Variants in HKDC1 observed in about 807,000 individuals in gnomAD.
HKDC1 encodes the protein hexokinase domain containing 1, also known as hexokinase HKDC1.
Under a neutral mutation model 96.6 loss-of-function variants are expected in HKDC1, and 66 were observed. That is an observed-to-expected ratio of 0.68 (90% CI 0.56 to 0.84). The LOEUF is 0.84. Ranked by LOEUF, HKDC1 falls within the 40% of genes least tolerant of loss-of-function variation. The pLI is 0.00. For synonymous variants in HKDC1, 466 were observed against 473.1 expected, an observed-to-expected ratio of 0.98 and a Z score of 0.20; for missense variants, 1,211 against 1,208.1, an observed-to-expected ratio of 1.00 and a Z score of -0.04.
intron 14 of HKDC1, among the ~76,000 whole-genome samples, chr10:69,257,947 G>C (rs999328019): frequency 6.6e-6 from 1 of 152,188 alleles, no homozygotes; most frequent in Admixed American, 6.5e-5. Flanking sequence ...TTCTCTCTAA[G>C]AGGGGTAGAA....
intron 8 of HKDC1, among the ~76,000 whole-genome samples, chr10:69,246,909 A>G (rs1208482108): frequency 6.6e-6 from 1 of 152,268 alleles, no homozygotes; most frequent in Admixed American, 6.5e-5. Context: ...GACCTGCAGC[A>G]TCTATGTCTA....
chr10:69,261,371 G>C, intron 16 of HKDC1, 77 bp downstream of exon 16: 2 of 1,456,432 alleles, frequency 1.4e-6, no homozygotes, highest in Admixed American at 3.6e-5. Flanking sequence ...CCAATTTGAG[G>C]TTTAAAAATA....
At chr10:69,250,182 C>T in intron 10 of HKDC1, 108 bp from the exon 11 acceptor site, 2 of 1,264,948 alleles carry the variant, frequency 1.6e-6, no homozygotes, top group Non-Finnish European at 2.2e-6. Context: ...TCTATGAGGC[C>T]CAGGAGTGCA....
Position 69,232,879 on chromosome 10 carries a change from G to A in HKDC1, c.342G>A (p.Thr114=), listed in dbSNP as rs10998655. Residue 114 remains threonine, a synonymous_variant, in exon 3 of 18, where the codon ACG becomes ACA. Coordinates refer to ENST00000354624, the MANE Select transcript of HKDC1 (RefSeq NM_025130.4). The part of the protein sequence containing the change: ...HVQMESQFYP[T]PNEIIRGNGT... ...AGATGGAGAGTCAGTTCTACCCAACGCCCAATGAAATCATCCGCGGGAACG... is the reference window on the plus strand; with the variant it reads ...AGATGGAGAGTCAGTTCTACCCAACACCCAATGAAATCATCCGCGGGAACG... 10,179 of 1,613,716 alleles carry A rather than the reference G, an allele frequency of 6.3e-3. 452 individuals carry two copies. In the East Asian group the frequency reaches 0.13, roughly 20 times the overall value.
chr10:69,232,445 C>T (rs746724162), intron 2 of HKDC1: 64 of 267,260 alleles, frequency 2.4e-4, no homozygotes, highest in South Asian at 1.4e-3. Flanking sequence ...TGGGCTCCAC[C>T]GTCGAGGCCA....
intron 12 of HKDC1, among the ~76,000 whole-genome samples, chr10:69,251,087 CTTTTTT>C (rs869084452): frequency 4.1e-4 from 38 of 92,678 alleles, no homozygotes; most frequent in Admixed American, 8.9e-4. Context: ...AAATACATTT[CTTTTTT>C]TTTTTTTTTT....
At chr10:69,241,925 G>T (rs559020321) in intron 6 of HKDC1, among the ~76,000 whole-genome samples, 1 of 152,196 alleles carries the variant, frequency 6.6e-6, no homozygotes, top group African/African-American at 2.4e-5. Context: ...CAGAGAGGTC[G>T]TGGTGCAGTG....
At position 69,261,121 on chromosome 10, in the gene HKDC1, T is replaced by A; in HGVS notation, c.2217-18T>A. ...GCATTGCAGGTCTGCCCCAACCTTA[T>A]CCTTCTTCTCCAAACAGATACGAGA... On this transcript the variant is annotated intron_variant, in intron 15 of 17. Transcript: ENST00000354624. 1.9e-6 allele frequency: 3 copies of A among 1,608,352 alleles called. No homozygotes were observed. Among genetic ancestry groups the A allele is most frequent in the Middle Eastern group, 1.7e-4 (1 of 6,036 alleles).
At chr10:69,232,345 C>G in intron 2 of HKDC1, 1 of 184,136 alleles carries the variant, frequency 5.4e-6, no homozygotes, top group Non-Finnish European at 1.1e-5. Flanking sequence ...TGCTCCTCGC[C>G]GCACATCCTG....
At chr10:69,241,929 T>A (rs1226417863) in intron 6 of HKDC1, among the ~76,000 whole-genome samples, 1 of 152,140 alleles carries the variant, frequency 6.6e-6, no homozygotes, top group Non-Finnish European at 1.5e-5. Context: ...GAGGTCGTGG[T>A]GCAGTGGGGG....
rs762606952 is a variant in HKDC1, at chr10:69,257,381, A to T, written c.1987A>T (p.Thr663Ser). The change falls in exon 14 of 18, where the codon ACC (threonine) becomes TCC (serine). Residue 663 changes from threonine (T) to serine (S), a missense_variant. Coordinates refer to ENST00000354624, the MANE Select transcript of HKDC1 (RefSeq NM_025130.4). ...VVNDTVGTMM[T>S]CGYEDPNCEI... is the part of the protein sequence containing the mutation. ...GAATGATACAGTGGGGACCATGATG[A>T]CCTGTGGCTATGAAGATCCTAATTG... 6.2e-7 allele frequency: 1 copy of T among 1,614,068 alleles called. No individual in the cohort carries two copies. The highest frequency in any genetic ancestry group is 1.1e-5 in the South Asian group (1 of 91,076).
chr10:69,248,670 C>T lies in HKDC1; in HGVS notation c.1512C>T (p.His504=), dbSNP rs781743552. The T allele has an allele frequency of 9.9e-6, 16 of 1,613,906 alleles. No individual in the cohort carries two copies. The highest frequency in any genetic ancestry group is 1.6e-4 in the Middle Eastern group (1 of 6,082). ...ELEYGLKKKS[H]GLATVRMLPT... ...AGTATGGGCTGAAGAAGAAGAGCCACGGGCTGGCCACGGTCAGGATGCTGC... is the reference window on the plus strand; with the variant it reads ...AGTATGGGCTGAAGAAGAAGAGCCATGGGCTGGCCACGGTCAGGATGCTGC... Residue 504 remains histidine, a synonymous_variant, in exon 10 of 18, where the codon CAC becomes CAT. Coordinates refer to ENST00000354624, the MANE Select transcript of HKDC1 (RefSeq NM_025130.4).
chr10:69,238,336 G>A (rs1843394973), intron 4 of HKDC1, among the ~76,000 whole-genome samples: 1 of 151,692 alleles, frequency 6.6e-6, no homozygotes, highest in African/African-American at 2.4e-5. Context: ...GGCAAACCAT[G>A]CATTCTGCAT....
chr10:69,241,158 C>T lies in HKDC1; in HGVS notation c.691+407C>T, dbSNP rs529944883. 2.6e-5 allele frequency among the ~76,000 whole-genome samples: 4 copies of T among 152,284 alleles called. No homozygotes were observed. In the South Asian group the frequency reaches 6.2e-4, roughly 24 times the overall value. On this transcript the variant is annotated intron_variant, in intron 6 of 17. Transcript: ENST00000354624. ...CCTCTCTGAGGGGTGGCATTTGAGC[C>T]GGGACCTCAGTGATGCAAACCAGGG... is the stretch of plus-strand genomic sequence containing the variant.
intron 12 of HKDC1, among the ~76,000 whole-genome samples, chr10:69,255,845 A>G (rs1288362967): frequency 6.6e-6 from 1 of 151,538 alleles, no homozygotes; most frequent in Non-Finnish European, 1.5e-5. Context: ...TGAACCTGGG[A>G]GGCAGAGGTT....
chr10:69,256,776 A>G (rs750034784), intron 12 of HKDC1, among the ~76,000 whole-genome samples: 1 of 152,090 alleles, frequency 6.6e-6, no homozygotes, highest in Non-Finnish European at 1.5e-5. Flanking sequence ...ATTCCGCGTA[A>G]TCATGGCCAG....
chr10:69,231,382 CT>C (rs1843257035), intron 2 of HKDC1, among the ~76,000 whole-genome samples: 1 of 152,152 alleles, frequency 6.6e-6, no homozygotes, highest in Non-Finnish European at 1.5e-5. Context: ...TGAGAGCCAC[CT>C]TCCAACCTCA....
intron 7 of HKDC1, among the ~76,000 whole-genome samples, chr10:69,245,149 G>C (rs564278696): frequency 1.3e-5 from 2 of 152,116 alleles, no homozygotes; most frequent in Non-Finnish European, 2.9e-5. Context: ...TGATCCACCC[G>C]CCTTGGCCTC....
At position 69,226,987 on chromosome 10, in the gene HKDC1, A is replaced by G. The variant is rs539907636; in HGVS notation, c.64-220A>G. Among the ~76,000 whole-genome samples the G allele has an allele frequency of 2.6e-5, 4 of 152,144 alleles. No individual in the cohort carries two copies. The East Asian group carries it at 5.8e-4, about 22-fold the overall frequency. ...TCAGATTCTGCCCTTCAGAGAAGTA[A>G]CTCCACACCTTCTCAGCCCTCCGTT... On this transcript the variant is annotated intron_variant, in intron 1 of 17. Coordinates refer to ENST00000354624, the MANE Select transcript of HKDC1 (RefSeq NM_025130.4).
Sources: allele counts gnomAD v4.1 joint callset (sites outside exome capture counted in the v4.1 genomes callset), GRCh38; gene constraint gnomAD v4.1.1; transcripts MANE v1.5; gene names NCBI Gene and HGNC (gene_info 2026-07-23, HGNC 2026-07-21).